The following BDKRB2 variants were observed in gnomAD, a reference collection of about 807,000 sequenced individuals.
The protein encoded by BDKRB2 is B2 bradykinin receptor.
BDKRB2 carries 6 observed loss-of-function variants against 4.0 expected under a neutral mutation model. The ratio of observed to expected loss-of-function variants is 1.49; its 90% CI spans 0.81 to 2.93. The LOEUF is 2.93. Among genes scored for constraint, BDKRB2 ranks in the 30% most tolerant of loss-of-function variants. The pLI is 0.00. For synonymous variants in BDKRB2, 225 were observed against 215.3 expected (o/e 1.05, Z -0.40); for missense variants, 478 against 520.1 (o/e 0.92, Z 0.79).
chr14:96,221,084 T>C (rs1160679937), intron 1 of BDKRB2, among the ~76,000 whole-genome samples: 1 of 151,796 alleles, frequency 6.6e-6, no homozygotes, highest in Non-Finnish European at 1.5e-5. Context: ...AAGCCACCTC[T>C]GTGTGACTCT....
chr14:96,228,901 T>C (rs1032306315), intron 1 of BDKRB2, among the ~76,000 whole-genome samples: 2 of 152,218 alleles, frequency 1.3e-5, no homozygotes, highest in Non-Finnish European at 2.9e-5. Flanking sequence ...TGGCCCTGCC[T>C]CTGATGAGCA....
intron 1 of BDKRB2, among the ~76,000 whole-genome samples, chr14:96,225,634 C>T (rs1161522381): frequency 6.6e-6 from 1 of 152,166 alleles, no homozygotes; most frequent in Non-Finnish European, 1.5e-5. Flanking sequence ...CCTTAGACCC[C>T]AGATACTACC....
intron 1 of BDKRB2, among the ~76,000 whole-genome samples, chr14:96,234,415 G>C (rs1201900272): frequency 2.0e-5 from 3 of 152,138 alleles, no homozygotes; most frequent in Non-Finnish European, 4.4e-5. Flanking sequence ...CCTCCCTCAG[G>C]CTCCTGCTGG....
chr14:96,210,293 A>T (rs1412709911), intron 1 of BDKRB2, among the ~76,000 whole-genome samples: 2 of 152,202 alleles, frequency 1.3e-5, no homozygotes, highest in Non-Finnish European at 2.9e-5. Flanking sequence ...TCCCAGCTAG[A>T]CTTTTCCCTT....
In BDKRB2 at chr14:96,241,233, C is replaced by T; in HGVS notation, c.905C>T (p.Ser302Phe). The T allele has an allele frequency of 6.2e-7, 1 of 1,612,590 alleles. No homozygotes were observed. The highest frequency in any genetic ancestry group is 8.5e-7 in the Non-Finnish European group (1 of 1,178,974). ...ACGCTGCATCGCCTCGGCATCCTCT[C>T]CAGCTGCCAGGACGAGCGCATCATC... Reference protein sequence around the residue: ...LDTLHRLGILSSCQDERIIDV... With the variant: ...LDTLHRLGILFSCQDERIIDV... The change falls in exon 3 of 3, where the codon TCC becomes TTC. Residue 302 changes from serine to phenylalanine, a missense_variant. Physicochemically the swap from Ser to Phe is radical, Grantham distance 155. Coordinates refer to ENST00000554311, the MANE Select transcript of BDKRB2 (RefSeq NM_001379692.1).
intron 1 of BDKRB2, among the ~76,000 whole-genome samples, chr14:96,209,166 G>A (rs1488634365): frequency 6.6e-6 from 1 of 152,224 alleles, no homozygotes; most frequent in East Asian, 1.9e-4. Context: ...TCTGGGGACT[G>A]TGATTTGAAG....
chr14:96,223,198 C>A (rs559068045), intron 1 of BDKRB2: 4 of 1,132,294 alleles, frequency 3.5e-6, no homozygotes, highest in Non-Finnish European at 5.4e-6. Flanking sequence ...CATAGCCAAG[C>A]TGGTCCCTAA....
At chr14:96,219,258 C>T (rs184060353) in intron 1 of BDKRB2, among the ~76,000 whole-genome samples, 6 of 152,190 alleles carry the variant, frequency 3.9e-5, no homozygotes, top group South Asian at 2.1e-4. Context: ...GCCAAGATTG[C>T]GCCATTGCAC....
chr14:96,229,451 G>C (rs1451523452), intron 1 of BDKRB2, among the ~76,000 whole-genome samples: 1 of 152,166 alleles, frequency 6.6e-6, no homozygotes, highest in Non-Finnish European at 1.5e-5. Context: ...TCTTCTTCCA[G>C]GAAACCTCAG....
At chr14:96,233,094 C>T (rs1229336157) in intron 1 of BDKRB2, among the ~76,000 whole-genome samples, 4 of 152,158 alleles carry the variant, frequency 2.6e-5, no homozygotes, top group South Asian at 2.1e-4. Context: ...TGGTGCGATA[C>T]GGCTCACTGC....
chr14:96,214,328 G>A (rs1193451336), intron 1 of BDKRB2, among the ~76,000 whole-genome samples: 1 of 152,212 alleles, frequency 6.6e-6, no homozygotes, highest in Non-Finnish European at 1.5e-5. Flanking sequence ...AGAACAATCT[G>A]TGGATTTGGG....
At chr14:96,210,411 A>G (rs186695892) in intron 1 of BDKRB2, among the ~76,000 whole-genome samples, 3 of 152,316 alleles carry the variant, frequency 2.0e-5, no homozygotes, top group Admixed American at 2.0e-4. Context: ...GGTTAGGCAG[A>G]AGGAGGCCTG....
At chr14:96,208,401 G>A (rs958128533) in intron 1 of BDKRB2, among the ~76,000 whole-genome samples, 4 of 152,148 alleles carry the variant, frequency 2.6e-5, no homozygotes, top group African/African-American at 9.7e-5. Flanking sequence ...CAGAAAGCAC[G>A]GTGGAACAAA....
chr14:96,231,014 A>G (rs1890807327), intron 1 of BDKRB2, among the ~76,000 whole-genome samples: 1 of 152,152 alleles, frequency 6.6e-6, no homozygotes, highest in African/African-American at 2.4e-5. Flanking sequence ...TGCTTATTTA[A>G]TAAAACTGAA....
intron 1 of BDKRB2, among the ~76,000 whole-genome samples, chr14:96,210,541 T>C (rs531960080): frequency 6.4e-4 from 98 of 152,322 alleles, no homozygotes; most frequent in Non-Finnish European, 1.3e-3. Context: ...CAAGTTACAA[T>C]TGATGTGTCC....
rs187642562 is a variant in BDKRB2, at chr14:96,231,920, C to T, written c.-39-5149C>T. Among the ~76,000 whole-genome samples the T allele has an allele frequency of 4.5e-3, 688 of 152,292 alleles. 9 individuals carry two copies. The highest frequency in any genetic ancestry group is 4.5e-3 in the Non-Finnish European group (308 of 68,022). ...GATGCAGAGGGAGAGGGAGAACAGC[C>T]GCCCTCTGACTAAGGATGGAGCCCA... On this transcript the variant is annotated intron_variant, in intron 1 of 2. Coordinates refer to ENST00000554311, the MANE Select transcript of BDKRB2 (RefSeq NM_001379692.1).
At chr14:96,240,049 C>G in intron 2 of BDKRB2, 1 of 1,025,568 alleles carries the variant, frequency 9.8e-7, no homozygotes. Flanking sequence ...GGGAGGGCCC[C>G]GGTTGATAAG....
intron 1 of BDKRB2, among the ~76,000 whole-genome samples, chr14:96,205,929 C>T (rs914729634): frequency 3.3e-5 from 5 of 152,100 alleles, no homozygotes; most frequent in African/African-American, 7.2e-5. Context: ...AGTCACAGGC[C>T]GCCTGTGGCT....
At chr14:96,218,077 G>C (rs952100380) in intron 1 of BDKRB2, among the ~76,000 whole-genome samples, 11 of 152,148 alleles carry the variant, frequency 7.2e-5, no homozygotes, top group Admixed American at 2.6e-4. Flanking sequence ...GAGGCTCAGG[G>C]AAAGGACTGT....
Sources: gnomAD v4.1 joint callset for allele counts (sites outside exome capture counted in the v4.1 genomes callset) on GRCh38, gnomAD v4.1.1 for gene constraint, MANE v1.5 for transcripts, NCBI Gene and HGNC (gene_info 2026-07-23, HGNC 2026-07-21) for gene names.